Variants in ASS1 observed in about 807,000 individuals in gnomAD.
The protein encoded by ASS1 is argininosuccinate synthase.
Under a neutral mutation model 60.5 loss-of-function variants are expected in ASS1, and 58 were observed. That is an observed-to-expected ratio of 0.96 (90% confidence interval 0.78 to 1.19). The LOEUF is 1.19. Ranked by LOEUF, ASS1 falls within the 50% of genes most tolerant of loss-of-function variation. ASS1 has a pLI of 0.00. For synonymous variants in ASS1, 200 were observed against 206.9 expected, an observed-to-expected ratio of 0.97 and a Z score of 0.29; for missense variants, 454 against 547.3, an observed-to-expected ratio of 0.83 and a Z score of 1.70.
intron 11 of ASS1, among the ~76,000 whole-genome samples, chr9:130,486,450 T>C (rs143045308): frequency 1.4e-4 from 22 of 152,286 alleles, no homozygotes; most frequent in African/African-American, 4.8e-4. Flanking sequence ...TTCTCAGTCA[T>C]TCCTCTGTTT....
chr9:130,496,656 A>C (rs1337684121), intron 13 of ASS1, among the ~76,000 whole-genome samples: 4 of 151,480 alleles, frequency 2.6e-5, no homozygotes, highest in Admixed American at 2.0e-4. Context: ...TCATTGATGG[A>C]CCAGGCAGAA....
In ASS1 at chr9:130,491,727, T is replaced by TA. The variant is rs1846454967; in HGVS notation, c.970+2264dup. ...CTCTGACAGCCAGCGACAAGCCCTC[T>TA]ACATCCCAAACTGAGGTACAATGAT... is the stretch of plus-strand genomic sequence containing the variant. On this transcript the variant is annotated intron_variant, in intron 12 of 14. Transcript: ENST00000352480. This position sits in a 1 kb window ranked among gnomAD's most constrained non-coding sequence, Gnocchi z 5.3. Among the ~76,000 whole-genome samples the TA allele has an allele frequency of 6.6e-6, 1 of 152,174 alleles. No homozygotes were observed. Among genetic ancestry groups the TA allele is most frequent in the Non-Finnish European group, 1.5e-5 (1 of 68,030 alleles).
rs1465834372 is a variant in ASS1, at chr9:130,477,166, G to A, written c.688+205G>A. ...ACCATGGATGCCTCTAGGCTTGGGA[G>A]GAACATGCCCTCGGCTACCCATCAC... On this transcript the variant is annotated intron_variant, in intron 9 of 14. Coordinates refer to ENST00000352480, the MANE Select transcript of ASS1 (RefSeq NM_054012.4). This position sits in a 1 kb window ranked among gnomAD's most constrained non-coding sequence, Gnocchi z 4.2. 6.6e-6 allele frequency among the ~76,000 whole-genome samples: 1 copy of A among 152,174 alleles called. No individual in the cohort carries two copies. Among genetic ancestry groups the A allele is most frequent in the Admixed American group, 6.5e-5 (1 of 15,280 alleles).
chr9:130,480,487 A>C (rs1215940), intron 11 of ASS1, 38 bp downstream of exon 11: 2 of 1,608,430 alleles, frequency 1.2e-6, no homozygotes, highest in Non-Finnish European at 1.7e-6. Context: ...CTGCCTCGGG[A>C]CCCAGCAAAC....
chr9:130,471,224 G>A (rs540182658), intron 7 of ASS1, among the ~76,000 whole-genome samples: 1 of 152,172 alleles, frequency 6.6e-6, no homozygotes, highest in African/African-American at 2.4e-5. Context: ...TTAAGGCAGA[G>A]GCAGAGGCCC....
At chr9:130,474,317 A>G (rs1185735691) in intron 8 of ASS1, among the ~76,000 whole-genome samples, 1 of 152,172 alleles carries the variant, frequency 6.6e-6, no homozygotes, top group African/African-American at 2.4e-5. Context: ...TGCGGTCTGC[A>G]GAAACTCGTC....
At position 130,499,563 on chromosome 9, in the gene ASS1, T is replaced by G; in HGVS notation, c.1186T>G (p.Ser396Ala). Residue 396 changes from serine to alanine, a missense_variant, in exon 14 of 15, where the codon TCC becomes GCC. Ser to Ala is a moderately conservative substitution (Grantham distance 99). Coordinates refer to ENST00000352480, the MANE Select transcript of ASS1 (RefSeq NM_054012.4). Reference sequence around the variant, plus strand: ...TGCCACCGGGTTCATCAACATCAATTCCCTCAGGTGAGAAGCTCAGGGCCC... The same window carrying G: ...TGCCACCGGGTTCATCAACATCAATGCCCTCAGGTGAGAAGCTCAGGGCCC... ...TDATGFININ[S>A]LRLKEYHRLQ... The G allele has an allele frequency of 6.2e-7, 1 of 1,613,440 alleles. No homozygotes were observed. Among genetic ancestry groups the G allele is most frequent in the South Asian group, 1.1e-5 (1 of 90,830 alleles).
In ASS1 at chr9:130,479,812, C is replaced by T. The variant is rs1243270425; in HGVS notation, c.773+12C>T. ...CTGAACGAAGTCGCGTGAGTGTCTG[C>T]AGCCCTGTCCGGCCTCTTGGGAACC... On this transcript the variant is annotated intron_variant, in intron 10 of 14. Transcript: ENST00000352480. The T allele has an allele frequency of 1.2e-6, 2 of 1,612,468 alleles. No individual in the cohort carries two copies. The highest frequency in any genetic ancestry group is 1.7e-6 in the Non-Finnish European group (2 of 1,178,416).
chr9:130,493,282 G>A (rs888492172), intron 12 of ASS1, among the ~76,000 whole-genome samples: 3 of 152,200 alleles, frequency 2.0e-5, no homozygotes, highest in African/African-American at 4.8e-5. Flanking sequence ...GTGAGGGCTG[G>A]CACAGAGCAT....
At chr9:130,468,912 G>C (rs1484853971) in intron 6 of ASS1, among the ~76,000 whole-genome samples, 1 of 152,204 alleles carries the variant, frequency 6.6e-6, no homozygotes, top group East Asian at 1.9e-4. Context: ...GAGAGTGTGA[G>C]GGGAGGCACC....
chr9:130,449,145 A>C (rs1486610093), intron 1 of ASS1, among the ~76,000 whole-genome samples: 1 of 152,040 alleles, frequency 6.6e-6, no homozygotes, highest in African/African-American at 2.4e-5. Flanking sequence ...AGCCTGGGCA[A>C]TGTAGTGAAA....
chr9:130,469,661 C>T (rs1294489575), intron 6 of ASS1, among the ~76,000 whole-genome samples: 3 of 152,204 alleles, frequency 2.0e-5, no homozygotes, highest in African/African-American at 7.2e-5. Context: ...AGCCACTGCA[C>T]CTGGCCTTGT....
chr9:130,467,393 C>T (rs1317803745), intron 6 of ASS1, among the ~76,000 whole-genome samples: 2 of 152,166 alleles, frequency 1.3e-5, no homozygotes, highest in Non-Finnish European at 2.9e-5. Context: ...TTCTTTTTAG[C>T]GACTCGATGG....
At chr9:130,466,624 C>A (rs1845749403) in intron 5 of ASS1, 101 bp from the exon 6 acceptor site, 4 of 1,118,220 alleles carry the variant, frequency 3.6e-6, no homozygotes, top group East Asian at 2.4e-5. Flanking sequence ...TGCTGGAGAC[C>A]CCCATGGGCC....
At chr9:130,447,706 C>T (rs1442715841) in intron 1 of ASS1, among the ~76,000 whole-genome samples, 2 of 152,202 alleles carry the variant, frequency 1.3e-5, no homozygotes, top group East Asian at 1.9e-4. Context: ...CTGAATTCAG[C>T]CAGGATCTGC....
In ASS1 at chr9:130,470,836, A is replaced by C. The variant is rs1845849111; in HGVS notation, c.498A>C (p.Gln166His). 6.2e-7 allele frequency: 1 copy of C among 1,613,930 alleles called. No individual in the cohort carries two copies. Among genetic ancestry groups the C allele is most frequent in the Admixed American group, 1.7e-5 (1 of 60,006 alleles). Reference sequence around the variant, plus strand: ...CCTGTGCTGTCTCTTTCCTGCAGCAACACGGGATTCCCATCCCGGTCACTC... The same window carrying C: ...CCTGTGCTGTCTCTTTCCTGCAGCACCACGGGATTCCCATCCCGGTCACTC... ...GRNDLMEYAKQHGIPIPVTPK... is the reference protein window; with the variant it reads ...GRNDLMEYAKHHGIPIPVTPK... Residue 166 changes from glutamine to histidine, a missense_variant and splice_region_variant, in exon 7 of 15, where the codon CAA becomes CAC. Transcript: ENST00000352480. This position sits in a 1 kb window ranked among gnomAD's most constrained non-coding sequence, Gnocchi z 4.3.
At position 130,489,680 on chromosome 9, in the gene ASS1, C is replaced by A. The variant is rs1846400314; in HGVS notation, c.970+216C>A. On this transcript the variant is annotated intron_variant, in intron 12 of 14. Coordinates refer to ENST00000352480, the MANE Select transcript of ASS1 (RefSeq NM_054012.4). This position sits in a 1 kb window ranked among gnomAD's most constrained non-coding sequence, Gnocchi z 4.1. ...CAAGGGGATGCTAGAACCTGCCTTG[C>A]CATGGGGTGTGTCCAGGGAGATGCA... 6.6e-6 allele frequency among the ~76,000 whole-genome samples: 1 copy of A among 152,180 alleles called. No individual in the cohort carries two copies. The highest frequency in any genetic ancestry group is 2.1e-4 in the South Asian group (1 of 4,836).
At chr9:130,457,447 G>A (rs559042685) in intron 3 of ASS1, among the ~76,000 whole-genome samples, 2 of 152,128 alleles carry the variant, frequency 1.3e-5, no homozygotes, top group African/African-American at 2.4e-5. Flanking sequence ...CTCCAGTCTG[G>A]ATGACAGAGA....
chr9:130,472,884 T>C (rs1202223729), intron 8 of ASS1, among the ~76,000 whole-genome samples: 1 of 152,156 alleles, frequency 6.6e-6, no homozygotes, highest in Non-Finnish European at 1.5e-5. Flanking sequence ...CCAAGCAGCC[T>C]ATGGCCTCTG....
Sources: gnomAD v4.1 joint callset for allele counts (sites outside exome capture counted in the v4.1 genomes callset) on GRCh38, gnomAD v4.1.1 for gene constraint, Gnocchi (gnomAD v3.1) non-coding constraint, MANE v1.5 for transcripts, NCBI Gene and HGNC (gene_info 2026-07-23, HGNC 2026-07-21) for gene names.